The following CLIC5 variants were observed in gnomAD, a reference collection of about 807,000 sequenced individuals.
CLIC5 encodes chloride intracellular channel protein 5.
In CLIC5, 20 loss-of-function variants were observed where a neutral mutation model predicts 24.7. That is an observed-to-expected ratio of 0.81 (90% CI 0.57 to 1.18). CLIC5 has a LOEUF of 1.18. Ranked by LOEUF, CLIC5 falls within the 50% of genes most tolerant of loss-of-function variation. The probability of loss-of-function intolerance (pLI) is 0.00; values close to 1 mark genes in which losing one functional copy is unlikely to be tolerated. For missense variants in CLIC5, 341 were observed against 326.1 expected, an observed-to-expected ratio of 1.05 and a Z score of -0.35; for synonymous variants, 159 against 135.6, an observed-to-expected ratio of 1.17 and a Z score of -1.20.
the CLIC5 span, among the ~76,000 whole-genome samples, chr6:46,092,746 T>G: frequency 6.6e-6 from 1 of 152,216 alleles, no homozygotes; most frequent in African/African-American, 2.4e-5. Flanking sequence ...TATATCTTGT[T>G]GTTCTCAGTT....
chr6:46,000,349 T>C (rs1262799952), intron 1 of CLIC5, among the ~76,000 whole-genome samples: 1 of 152,212 alleles, frequency 6.6e-6, no homozygotes, highest in Non-Finnish European at 1.5e-5. Context: ...ATGGTGCACA[T>C]GCTCCTTTGA....
At chr6:45,916,878 G>A (rs1014770122) in intron 4 of CLIC5, among the ~76,000 whole-genome samples, 6 of 152,212 alleles carry the variant, frequency 3.9e-5, no homozygotes, top group Admixed American at 1.3e-4. Context: ...ACTTGGGTTT[G>A]TGTATTTTTG....
chr6:46,096,341 A>G, the CLIC5 span, among the ~76,000 whole-genome samples: 1 of 152,250 alleles, frequency 6.6e-6, no homozygotes, highest in Non-Finnish European at 1.5e-5. Flanking sequence ...AGAATATCCC[A>G]GGAGTCTATT....
chr6:46,000,812 G>A (rs1025303332), intron 1 of CLIC5, among the ~76,000 whole-genome samples: 7 of 152,136 alleles, frequency 4.6e-5, no homozygotes, highest in African/African-American at 1.4e-4. Context: ...TCTCTCCCTT[G>A]ACACATGGGG....
chr6:46,107,276 T>C, the CLIC5 span, among the ~76,000 whole-genome samples: 1 of 152,214 alleles, frequency 6.6e-6, no homozygotes, highest in South Asian at 2.1e-4. Flanking sequence ...TGTGAGTTTA[T>C]GTTTTTGGAT....
chr6:45,886,319 G>T (rs1178214909), intron 6 of CLIC5, among the ~76,000 whole-genome samples: 1 of 152,212 alleles, frequency 6.6e-6, no homozygotes, highest in Admixed American at 6.5e-5. Flanking sequence ...CACAGAGGAA[G>T]AAGCCTGCCT....
At chr6:45,936,061 C>A (rs1287777779) in intron 4 of CLIC5, among the ~76,000 whole-genome samples, 3 of 152,104 alleles carry the variant, frequency 2.0e-5, no homozygotes, top group African/African-American at 4.8e-5. Flanking sequence ...TCTGTCATCC[C>A]ATCTATGTGA....
chr6:45,983,321 T>C (rs1031691424), intron 1 of CLIC5, among the ~76,000 whole-genome samples: 2 of 152,164 alleles, frequency 1.3e-5, no homozygotes, highest in Non-Finnish European at 1.5e-5. Context: ...TGTGCTGTCA[T>C]GCACAGAGCC....
At chr6:45,883,149 C>G (rs970895911) in intron 6 of CLIC5, among the ~76,000 whole-genome samples, 2 of 152,134 alleles carry the variant, frequency 1.3e-5, no homozygotes, top group Admixed American at 6.5e-5. Context: ...AGATCAGTGT[C>G]TTACAACATA....
At chr6:45,983,258 G>T (rs1765624506) in intron 1 of CLIC5, among the ~76,000 whole-genome samples, 1 of 152,146 alleles carries the variant, frequency 6.6e-6, no homozygotes, top group African/African-American at 2.4e-5. Flanking sequence ...GGAGGACTTG[G>T]ATAGTATTCT....
intron 1 of CLIC5, among the ~76,000 whole-genome samples, chr6:45,992,428 T>C (rs978149542): frequency 6.6e-6 from 1 of 152,200 alleles, no homozygotes; most frequent in Non-Finnish European, 1.5e-5. Context: ...TTTAAAAAAA[T>C]ATTTTAATGG....
chr6:45,938,229 A>G (rs1398420898), intron 4 of CLIC5, among the ~76,000 whole-genome samples: 2 of 152,224 alleles, frequency 1.3e-5, no homozygotes, highest in Non-Finnish European at 2.9e-5. Context: ...CACAGAGCAG[A>G]AAGGGGATGG....
Position 45,900,505 on chromosome 6 carries a change from C to A in CLIC5, c.*2583G>T, listed in dbSNP as rs904109807. 1.8e-5 allele frequency: 2 copies of A among 113,702 alleles called. No homozygotes were observed. The highest frequency in any genetic ancestry group is 3.4e-5 in the Non-Finnish European group (2 of 59,106). 7.0% of individuals were successfully genotyped at this position (113,702 alleles called of 1,614,324 possible). ...GATAAGAAGGCCAGACAGGCTGAAGCATCTGGAGAAAGATCTCTTTTGAAA... is the reference window on the plus strand; with the variant it reads ...GATAAGAAGGCCAGACAGGCTGAAGAATCTGGAGAAAGATCTCTTTTGAAA... On this transcript the variant is annotated 3_prime_UTR_variant, in exon 6 of 6. Coordinates refer to ENST00000339561, the MANE Select transcript of CLIC5 (RefSeq NM_016929.5).
chr6:46,103,063 CT>C, the CLIC5 span, among the ~76,000 whole-genome samples: 40 of 148,908 alleles, frequency 2.7e-4, no homozygotes, highest in African/African-American at 7.4e-4. Context: ...TTTCACTCAG[CT>C]TTTTTTTTTG....
Position 45,911,917 on chromosome 6 carries a change from C to T in CLIC5, c.588+2311G>A, listed in dbSNP as rs563991086. On this transcript the variant is annotated intron_variant, in intron 5 of 5. Coordinates refer to ENST00000339561, the MANE Select transcript of CLIC5 (RefSeq NM_016929.5). ...AGATGAGAACTAGGAGGGGGCCAGACAATGAATGTTCAAGCCAAACTCTCA... is the reference window on the plus strand; with the variant it reads ...AGATGAGAACTAGGAGGGGGCCAGATAATGAATGTTCAAGCCAAACTCTCA... The T allele has an allele frequency of 3.4e-5, 34 of 985,558 alleles. No homozygotes were observed. In the South Asian group the frequency reaches 1.4e-3, roughly 40 times the overall value. 61.1% of individuals were successfully genotyped at this position (985,558 alleles called of 1,614,324 possible).
the CLIC5 span, among the ~76,000 whole-genome samples, chr6:46,113,178 A>G: frequency 6.6e-6 from 1 of 152,188 alleles, no homozygotes; most frequent in African/African-American, 2.4e-5. Context: ...AGATCCTGTG[A>G]GGCACCATCA....
intron 1 of CLIC5, among the ~76,000 whole-genome samples, chr6:45,966,599 C>G (rs911316120): frequency 6.6e-6 from 1 of 152,104 alleles, no homozygotes; most frequent in African/African-American, 2.4e-5. Flanking sequence ...AGATGTGTGA[C>G]GGGCTGGACC....
chr6:46,112,978 C>T, the CLIC5 span, among the ~76,000 whole-genome samples: 1 of 152,112 alleles, frequency 6.6e-6, no homozygotes, highest in Non-Finnish European at 1.5e-5. Flanking sequence ...ATCACTTGAA[C>T]CCAGGAGGTG....
intron 6 of CLIC5, among the ~76,000 whole-genome samples, chr6:45,892,582 C>G (rs987630826): frequency 1.3e-5 from 2 of 152,170 alleles, no homozygotes; most frequent in African/African-American, 4.8e-5. Flanking sequence ...CACTGCCCCT[C>G]TTAGGGGAGC....
Sources: allele counts gnomAD v4.1 joint callset (sites outside exome capture counted in the v4.1 genomes callset), GRCh38; gene constraint gnomAD v4.1.1; transcripts MANE v1.5; gene names NCBI Gene and HGNC (gene_info 2026-07-23, HGNC 2026-07-21).